The following PHF21A variants were observed in gnomAD, a reference collection of about 807,000 sequenced individuals.
PHF21A encodes the protein PHD finger protein 21A.
In PHF21A, 11 loss-of-function variants were observed where a neutral mutation model predicts 82.5. The observed-to-expected ratio is 0.13, with a 90% CI of 0.08 to 0.22. The LOEUF is 0.22. Among genes scored for constraint, PHF21A ranks in the 10% least tolerant of loss-of-function variants. PHF21A has a pLI of 1.00. For synonymous variants in PHF21A, 297 were observed against 302.8 expected (o/e 0.98, Z 0.20); for missense variants, 579 against 837.8 (o/e 0.69, Z 3.81).
intron 1 of PHF21A, among the ~76,000 whole-genome samples, chr11:46,114,623 T>C (rs2097265300): frequency 6.6e-6 from 1 of 152,214 alleles, no homozygotes; most frequent in African/African-American, 2.4e-5. Flanking sequence ...TACCCACTTT[T>C]ATCAGGAAAT....
At chr11:46,073,249 A>C (rs188589215) in intron 6 of PHF21A, among the ~76,000 whole-genome samples, 269 of 151,474 alleles carry the variant, frequency 1.8e-3, no homozygotes, top group African/African-American at 6.2e-3. Context: ...AATGGCGTGA[A>C]CCCAGGAGGC....
At chr11:46,032,637 C>T (rs2095890108) in intron 6 of PHF21A, among the ~76,000 whole-genome samples, 1 of 152,022 alleles carries the variant, frequency 6.6e-6, no homozygotes, top group Admixed American at 6.6e-5. Flanking sequence ...ATTCCTATTC[C>T]AAAACTGTTG....
chr11:46,051,098 G>C (rs1046298119), intron 6 of PHF21A, among the ~76,000 whole-genome samples: 2 of 152,160 alleles, frequency 1.3e-5, no homozygotes, highest in African/African-American at 4.8e-5. Flanking sequence ...CTTTCTAAAA[G>C]CATAGTTAGT....
chr11:46,072,516 C>A (rs1383494950), intron 6 of PHF21A, among the ~76,000 whole-genome samples: 1 of 152,170 alleles, frequency 6.6e-6, no homozygotes, highest in African/African-American at 2.4e-5. Flanking sequence ...GCAGCCCTAG[C>A]CCTAGGGGGA....
chr11:46,070,106 TG>T (rs1459598594), intron 6 of PHF21A, among the ~76,000 whole-genome samples: 3 of 152,248 alleles, frequency 2.0e-5, no homozygotes, highest in Non-Finnish European at 1.5e-5. Context: ...CCCAGTCCTT[TG>T]TTTCAGTTAC....
intron 1 of PHF21A, among the ~76,000 whole-genome samples, chr11:46,119,175 A>G (rs1196585769): frequency 2.0e-5 from 3 of 152,038 alleles, no homozygotes; most frequent in Non-Finnish European, 4.4e-5. Flanking sequence ...TCCATTATTT[A>G]TATATAAATG....
At chr11:46,048,385 T>C (rs529638759) in intron 6 of PHF21A, among the ~76,000 whole-genome samples, 28 of 152,342 alleles carry the variant, frequency 1.8e-4, no homozygotes, top group African/African-American at 6.5e-4. Flanking sequence ...ACTGTATGGA[T>C]ATACCACACT....
At chr11:46,036,659 T>C (rs1212440158) in intron 6 of PHF21A, among the ~76,000 whole-genome samples, 1 of 152,210 alleles carries the variant, frequency 6.6e-6, no homozygotes, top group Non-Finnish European at 1.5e-5. Context: ...GTTTCTTGCT[T>C]TTCTGACTCG....
chr11:46,023,556 T>C (rs1014235986), intron 6 of PHF21A, among the ~76,000 whole-genome samples: 3 of 152,272 alleles, frequency 2.0e-5, no homozygotes, highest in Non-Finnish European at 2.9e-5. Flanking sequence ...AAAAGGTGTG[T>C]TCCTGAAAAA....
intron 6 of PHF21A, among the ~76,000 whole-genome samples, chr11:46,065,750 G>A (rs2096586536): frequency 6.6e-6 from 1 of 152,202 alleles, no homozygotes; most frequent in Non-Finnish European, 1.5e-5. Flanking sequence ...TTGTTTAAGC[G>A]CCACTGTGTG....
At chr11:45,943,265 G>C (rs1229163042) in intron 15 of PHF21A, among the ~76,000 whole-genome samples, 1 of 151,692 alleles carries the variant, frequency 6.6e-6, no homozygotes. Context: ...TGTGACTAAA[G>C]GGGCACACCA....
intron 6 of PHF21A, among the ~76,000 whole-genome samples, chr11:46,029,444 CG>C (rs768858158): frequency 2.0e-5 from 3 of 152,062 alleles, no homozygotes; most frequent in Non-Finnish European, 2.9e-5. Flanking sequence ...TCCTAATACA[CG>C]GGGAGGCCAA....
chr11:46,093,600 A>G (rs1369947916), intron 1 of PHF21A, among the ~76,000 whole-genome samples: 1 of 152,224 alleles, frequency 6.6e-6, no homozygotes, highest in African/African-American at 2.4e-5. Flanking sequence ...AATCTGTAGA[A>G]CAATGCAGTT....
intron 6 of PHF21A, among the ~76,000 whole-genome samples, chr11:46,015,932 A>ATCTG (rs926664282): frequency 6.6e-6 from 1 of 151,150 alleles, no homozygotes; most frequent in African/African-American, 2.5e-5. Flanking sequence ...CTATCTATCT[A>ATCTG]TCTATGCAGA....
At chr11:46,021,028 C>A (rs1456594673) in intron 6 of PHF21A, among the ~76,000 whole-genome samples, 2 of 150,902 alleles carry the variant, frequency 1.3e-5, no homozygotes, top group African/African-American at 4.9e-5. Context: ...TGAGGAGTAT[C>A]TGAATATGGA....
chr11:45,958,422 ATATAT>A (rs2092837905), intron 10 of PHF21A, among the ~76,000 whole-genome samples: 6 of 14,322 alleles, frequency 4.2e-4, no homozygotes, highest in East Asian at 0.025. Context: ...AAAAAAAAAT[ATATAT>A]ATATATATAT....
chr11:46,080,060 T>C (rs1330727557), intron 4 of PHF21A, among the ~76,000 whole-genome samples: 4 of 152,212 alleles, frequency 2.6e-5, no homozygotes, highest in Non-Finnish European at 5.9e-5. Context: ...CAATTTTTCA[T>C]CTAATGGAAA....
At chr11:46,023,509 C>T (rs1482615313) in intron 6 of PHF21A, among the ~76,000 whole-genome samples, 1 of 152,198 alleles carries the variant, frequency 6.6e-6, no homozygotes, top group Non-Finnish European at 1.5e-5. Context: ...CATTCCTAAA[C>T]TGTGTCATAT....
intron 6 of PHF21A, among the ~76,000 whole-genome samples, chr11:45,983,851 G>C (rs1216733653): frequency 6.6e-6 from 1 of 152,130 alleles, no homozygotes; most frequent in Non-Finnish European, 1.5e-5. Flanking sequence ...CCCTAGCTGT[G>C]TGGTATCATC....
Sources: allele counts gnomAD v4.1 joint callset (sites outside exome capture counted in the v4.1 genomes callset), GRCh38; gene constraint gnomAD v4.1.1; transcripts MANE v1.5; gene names NCBI Gene and HGNC (gene_info 2026-07-23, HGNC 2026-07-21).